Variants in HGSNAT observed in about 807,000 individuals in gnomAD.
The protein encoded by HGSNAT is heparan-alpha-glucosaminide N-acetyltransferase, also known as transmembrane protein 76.
Under a neutral mutation model 85.2 loss-of-function variants are expected in HGSNAT, and 59 were observed. The observed-to-expected ratio is 0.69, with a 90% CI of 0.56 to 0.86. The LOEUF (loss-of-function observed/expected upper bound fraction) is 0.86, where lower values mean the gene tolerates loss of function less well. Ranked by LOEUF, HGSNAT falls within the 40% of genes least tolerant of loss-of-function variation. HGSNAT has a pLI of 0.00. For missense variants in HGSNAT, 756 were observed against 777.1 expected (o/e 0.97, Z 0.32); for synonymous variants, 321 against 304.5 (o/e 1.05, Z -0.56).
chr8:43,195,545 AGAGGAG>A (rs568827548), intron 14 of HGSNAT, among the ~76,000 whole-genome samples: 1 of 109,178 alleles, frequency 9.2e-6, no homozygotes, highest in Non-Finnish European at 1.9e-5. Context: ...AGGAGGGAGT[AGAGGAG>A]GAGGAGGATG....
rs1015032173 is a variant in HGSNAT at position 43,194,107 on chromosome 8, G to A, written c.1464+264G>A. ...TAGCACGGCAGTTTCTAGATAAAAGGTTTCCCTTGCCAAGCTGCAGTGGCT... is the reference window on the plus strand; with the variant it reads ...TAGCACGGCAGTTTCTAGATAAAAGATTTCCCTTGCCAAGCTGCAGTGGCT... On this transcript the variant is annotated intron_variant, in intron 14 of 17. Coordinates refer to ENST00000379644, the MANE Select transcript of HGSNAT (RefSeq NM_152419.3). 2.5e-6 allele frequency: 3 copies of A among 1,215,644 alleles called. No homozygotes were observed. In the African/African-American group the frequency reaches 4.7e-5, roughly 19 times the overall value. 75.3% of individuals were successfully genotyped at this position (1,215,644 alleles called of 1,614,324 possible). A position where few individuals can be genotyped will look rare whatever the true frequency, so the allele number is the denominator to read the frequency against.
intron 9 of HGSNAT, among the ~76,000 whole-genome samples, chr8:43,176,610 G>A (rs1803820809): frequency 6.6e-6 from 1 of 152,070 alleles, no homozygotes; most frequent in Non-Finnish European, 1.5e-5. Context: ...GATAGGGATT[G>A]CATTGAGTCT....
rs535769419 is a variant in HGSNAT, at chr8:43,176,568, T to C, written c.852-1506T>C. 2.0e-5 allele frequency among the ~76,000 whole-genome samples: 3 copies of C among 152,350 alleles called. No homozygotes were observed. In the South Asian group the frequency reaches 6.2e-4, roughly 32 times the overall value. Reference sequence around the variant, plus strand: ...CCATATAAATTTCAGCATTTTTTTTTCTATTTCAGTGAAGAATGTTATTGG... The same window carrying C: ...CCATATAAATTTCAGCATTTTTTTTCCTATTTCAGTGAAGAATGTTATTGG... On this transcript the variant is annotated intron_variant, in intron 9 of 17. Transcript: ENST00000379644.
chr8:43,167,754 A>G lies in HGSNAT; in HGVS notation c.564-1419A>G, dbSNP rs150662839. Among the ~76,000 whole-genome samples, 659 of 152,240 alleles carry G rather than the reference A, an allele frequency of 4.3e-3. 4 individuals are homozygous for G. The highest frequency in any genetic ancestry group is 0.015 in the African/African-American group (630 of 41,532). On this transcript the variant is annotated intron_variant, in intron 5 of 17. Transcript: ENST00000379644. Reference sequence around the variant, plus strand: ...CATGACCAAAAAATAAAAGGGGAAAAAATCCTATGCACTGGATAATTTGTT... The same window carrying G: ...CATGACCAAAAAATAAAAGGGGAAAGAATCCTATGCACTGGATAATTTGTT...
intron 14 of HGSNAT, chr8:43,196,404 C>T (rs531569535): frequency 1.4e-5 from 18 of 1,247,774 alleles, no homozygotes; most frequent in Non-Finnish European, 1.9e-5. Flanking sequence ...CCTCTGGTTC[C>T]ACCCTGTCCC....
At chr8:43,198,940 C>T (rs568227455) in intron 17 of HGSNAT, among the ~76,000 whole-genome samples, 8 of 151,870 alleles carry the variant, frequency 5.3e-5, no homozygotes, top group African/African-American at 1.2e-4. Flanking sequence ...CTTGCTCTGT[C>T]GCCCAGGCTG....
At position 43,199,282 on chromosome 8, in the gene HGSNAT, T is replaced by G. The variant is rs117086996; in HGVS notation, c.1727-106T>G. ...TTTTGGCAGTAGCCAACAATGGAAG[T>G]GCACACTTTCTGTTTTTTCATTGAA... On this transcript the variant is annotated intron_variant, in intron 17 of 17. Coordinates refer to ENST00000379644, the MANE Select transcript of HGSNAT (RefSeq NM_152419.3). The G allele has an allele frequency of 0.013, 10,035 of 755,014 alleles. 106 individuals carry two copies. The highest frequency in any genetic ancestry group is 0.015 in the Non-Finnish European group (7,182 of 472,260). 46.8% of individuals were successfully genotyped at this position (755,014 alleles called of 1,614,324 possible). A position where few individuals can be genotyped will look rare whatever the true frequency, so the allele number is the denominator to read the frequency against.
At chr8:43,162,672 C>T (rs1803303661) in intron 5 of HGSNAT, among the ~76,000 whole-genome samples, 1 of 151,640 alleles carries the variant, frequency 6.6e-6, no homozygotes, top group African/African-American at 2.4e-5. Context: ...CCACCTTTGC[C>T]TCCTAAGTAG....
intron 2 of HGSNAT, among the ~76,000 whole-genome samples, chr8:43,148,847 G>C (rs1234304433): frequency 2.0e-5 from 3 of 151,272 alleles, no homozygotes; most frequent in Admixed American, 2.0e-4. Flanking sequence ...GGCCGTGCAC[G>C]GTGGCTCACT....
At chr8:43,186,896 T>G (rs1312492476) in intron 11 of HGSNAT, among the ~76,000 whole-genome samples, 1 of 152,240 alleles carries the variant, frequency 6.6e-6, no homozygotes, top group African/African-American at 2.4e-5. Flanking sequence ...CATTTCGTTA[T>G]GTACCCAGTA....
At chr8:43,151,512 A>T (rs950486467) in intron 2 of HGSNAT, among the ~76,000 whole-genome samples, 2 of 152,362 alleles carry the variant, frequency 1.3e-5, no homozygotes, top group Non-Finnish European at 2.9e-5. Context: ...AAAAAAGTAG[A>T]TAATTAAAAA....
At chr8:43,154,237 A>G (rs192656009) in intron 2 of HGSNAT, among the ~76,000 whole-genome samples, 11 of 152,204 alleles carry the variant, frequency 7.2e-5, no homozygotes, top group Admixed American at 5.9e-4. Flanking sequence ...GTACATGTGC[A>G]CAATGTGCAG....
At chr8:43,182,783 G>T (rs544467345) in intron 11 of HGSNAT, among the ~76,000 whole-genome samples, 6 of 152,142 alleles carry the variant, frequency 3.9e-5, no homozygotes, top group Admixed American at 2.0e-4. Flanking sequence ...AACAAAGGGG[G>T]ATATGGTTTT....
intron 14 of HGSNAT, among the ~76,000 whole-genome samples, chr8:43,195,656 G>GGAGGAGGAGGAGGGAGTAGAA (rs1319601537): frequency 6.9e-5 from 1 of 14,546 alleles, no homozygotes; most frequent in Non-Finnish European, 2.8e-4. Flanking sequence ...AGGAGGGGCT[G>GGAGGAGGAGGAGGGAGTAGAA]GAGGAGGAGG....
intron 2 of HGSNAT, among the ~76,000 whole-genome samples, chr8:43,158,077 T>C (rs1296901229): frequency 6.6e-6 from 1 of 152,138 alleles, no homozygotes; most frequent in Non-Finnish European, 1.5e-5. Flanking sequence ...TACAATTCCA[T>C]AGTGACACAG....
chr8:43,198,012 C>T (rs1804785771), intron 17 of HGSNAT, 60 bp downstream of exon 17: 4 of 1,212,074 alleles, frequency 3.3e-6, no homozygotes, highest in Admixed American at 3.9e-5. Context: ...GGCCCAGGGA[C>T]CTCTGGAGCA....
chr8:43,169,462 G>T (rs1803543542), intron 6 of HGSNAT, among the ~76,000 whole-genome samples: 1 of 152,204 alleles, frequency 6.6e-6, no homozygotes, highest in South Asian at 2.1e-4. Flanking sequence ...GCTCTATCAG[G>T]ATACCTGAGG....
At chr8:43,172,930 A>G (rs1803678649) in intron 8 of HGSNAT, among the ~76,000 whole-genome samples, 1 of 152,222 alleles carries the variant, frequency 6.6e-6, no homozygotes, top group South Asian at 2.1e-4. Context: ...GTTCATAGGA[A>G]GTGTCCCAGC....
At position 43,192,441 on chromosome 8, in the gene HGSNAT, C is replaced by T; in HGVS notation, c.1377+11C>T. The T allele has an allele frequency of 6.2e-7, 1 of 1,600,366 alleles. No homozygotes were observed. The stretch of plus-strand genomic sequence containing the variant: ...CACCCATCTTCTGCTGTGAGTGAGA[C>T]TCGAGTTCGCTTAGAACTGGAACTC... On this transcript the variant is annotated intron_variant, in intron 13 of 17. Transcript: ENST00000379644.
Sources: allele counts gnomAD v4.1 joint callset (sites outside exome capture counted in the v4.1 genomes callset), GRCh38; gene constraint gnomAD v4.1.1; transcripts MANE v1.5; gene names NCBI Gene and HGNC (gene_info 2026-07-23, HGNC 2026-07-21).